GPC5: variants seen among roughly 807,000 people sequenced by gnomAD.
GPC5 encodes the protein glypican-5.
GPC5 carries 47 observed loss-of-function variants against 53.9 expected under a neutral mutation model. That is an observed-to-expected ratio of 0.87 (90% CI 0.69 to 1.11). GPC5 has a LOEUF of 1.11. GPC5 is among the 50% of genes most tolerant of loss of function. GPC5 has a pLI of 0.00. For synonymous variants in GPC5, 286 were observed against 263.3 expected (o/e 1.09, Z -0.84); for missense variants, 748 against 713.1 (o/e 1.05, Z -0.56).
chr13:91,730,624 G>A (rs1322453136), intron 4 of GPC5, among the ~76,000 whole-genome samples: 1 of 152,162 alleles, frequency 6.6e-6, no homozygotes, highest in Non-Finnish European at 1.5e-5. Flanking sequence ...TGAAACTTCA[G>A]ATAGCACTGA....
At chr13:92,752,630 G>C (rs571896374) in intron 7 of GPC5, among the ~76,000 whole-genome samples, 25 of 152,104 alleles carry the variant, frequency 1.6e-4, no homozygotes, top group Admixed American at 1.4e-3. Context: ...CAGTGGGTGC[G>C]CGCACCGTGC....
At chr13:91,725,731 A>T (rs2036562932) in intron 3 of GPC5, among the ~76,000 whole-genome samples, 1 of 152,182 alleles carries the variant, frequency 6.6e-6, no homozygotes, top group South Asian at 2.1e-4. Context: ...CCTAGGAAAC[A>T]TGTTCAATAA....
At chr13:92,232,133 A>G (rs1169625450) in intron 7 of GPC5, among the ~76,000 whole-genome samples, 2 of 152,150 alleles carry the variant, frequency 1.3e-5, no homozygotes, top group Non-Finnish European at 2.9e-5. Flanking sequence ...TACCTTTGAT[A>G]ACTTCCTAGT....
At chr13:91,771,384 A>G (rs182551172) in intron 5 of GPC5, among the ~76,000 whole-genome samples, 4 of 152,308 alleles carry the variant, frequency 2.6e-5, no homozygotes, top group South Asian at 4.1e-4. Context: ...GCGTCTTTGA[A>G]GGGTAACTGG....
intron 7 of GPC5, among the ~76,000 whole-genome samples, chr13:92,725,460 A>G (rs1190866388): frequency 4.0e-5 from 6 of 151,580 alleles, no homozygotes; most frequent in Non-Finnish European, 8.9e-5. Flanking sequence ...AAGAAGGCAT[A>G]TTAGTTTGGC....
intron 1 of GPC5, among the ~76,000 whole-genome samples, chr13:91,433,603 T>A (rs2139034127): frequency 6.6e-6 from 1 of 152,306 alleles, no homozygotes; most frequent in East Asian, 1.9e-4. Context: ...TCTATCAATG[T>A]TGGACATTTG....
intron 7 of GPC5, among the ~76,000 whole-genome samples, chr13:92,692,828 G>A (rs1250312198): frequency 7.3e-6 from 1 of 137,630 alleles, no homozygotes; most frequent in Non-Finnish European, 1.5e-5. Context: ...ACTGTGGTTT[G>A]GATTTGCATT....
chr13:92,520,320 C>T (rs2138967374), intron 7 of GPC5, among the ~76,000 whole-genome samples: 1 of 152,098 alleles, frequency 6.6e-6, no homozygotes, highest in South Asian at 2.1e-4. Flanking sequence ...GGCAGAGACA[C>T]AACAAAAAAA....
intron 5 of GPC5, among the ~76,000 whole-genome samples, chr13:91,906,693 A>C (rs1331554213): frequency 3.3e-5 from 5 of 152,078 alleles, no homozygotes; most frequent in Non-Finnish European, 7.4e-5. Context: ...CATGCATTTA[A>C]GACATCTTTG....
chr13:91,506,397 G>A (rs535721581), intron 2 of GPC5, among the ~76,000 whole-genome samples: 4 of 152,044 alleles, frequency 2.6e-5, no homozygotes, highest in South Asian at 2.1e-4. Context: ...TGTTTCTATA[G>A]ATTTTAGTAA....
chr13:91,519,738 G>A lies in GPC5; in HGVS notation c.325+70816G>A, dbSNP rs139820628. Reference sequence around the variant, plus strand: ...GATTATATACTCATTAAAGATAGGAGCCAGTGAATTCATAATGAGGATTTG... The same window carrying A: ...GATTATATACTCATTAAAGATAGGAACCAGTGAATTCATAATGAGGATTTG... On this transcript the variant is annotated intron_variant, in intron 2 of 7. Coordinates refer to ENST00000377067, the MANE Select transcript of GPC5 (RefSeq NM_004466.6). Among the ~76,000 whole-genome samples, 315 of 152,282 alleles carry A rather than the reference G, an allele frequency of 2.1e-3. 3 individuals are homozygous for A. The highest frequency in any genetic ancestry group is 7.1e-3 in the African/African-American group (296 of 41,564).
Position 92,082,810 on chromosome 13 carries a change from A to G in GPC5, c.1402-62020A>G, listed in dbSNP as rs530434863. Among the ~76,000 whole-genome samples the G allele has an allele frequency of 1.6e-3, 240 of 152,326 alleles. 2 individuals are homozygous for G. Among genetic ancestry groups the G allele is most frequent in the African/African-American group, 5.5e-3 (227 of 41,592 alleles). The stretch of plus-strand genomic sequence containing the variant: ...ACTACCAGGTTATTTTACATATTTT[A>G]TATCATTGAATGTCAGAATTAAACT... On this transcript the variant is annotated intron_variant, in intron 6 of 7. Coordinates refer to ENST00000377067, the MANE Select transcript of GPC5 (RefSeq NM_004466.6).
chr13:92,057,992 C>T (rs185630059), intron 6 of GPC5, among the ~76,000 whole-genome samples: 36 of 152,102 alleles, frequency 2.4e-4, no homozygotes, highest in African/African-American at 8.4e-4. Flanking sequence ...TCTCATAGGT[C>T]CTTTTGAGAG....
At chr13:92,209,139 A>G (rs961381393) in intron 7 of GPC5, among the ~76,000 whole-genome samples, 3 of 152,234 alleles carry the variant, frequency 2.0e-5, no homozygotes, top group African/African-American at 7.2e-5. Context: ...TTATATTACA[A>G]CTTCCAATTA....
chr13:92,262,045 T>A (rs2042771476), intron 7 of GPC5, among the ~76,000 whole-genome samples: 1 of 152,138 alleles, frequency 6.6e-6, no homozygotes, highest in East Asian at 1.9e-4. Flanking sequence ...GAATTACAGC[T>A]TTAATGTAAT....
rs2043627655 is a variant in GPC5 at position 92,368,821 on chromosome 13, ATTAAG to A, written c.1561+223837_1561+223841del. Among the ~76,000 whole-genome samples the A allele has an allele frequency of 1.3e-5, 2 of 152,112 alleles. 1 individual carries two copies. Among genetic ancestry groups the A allele is most frequent in the African/African-American group, 4.8e-5 (2 of 41,428 alleles). On this transcript the variant is annotated intron_variant, in intron 7 of 7. Coordinates refer to ENST00000377067, the MANE Select transcript of GPC5 (RefSeq NM_004466.6). Reference sequence around the variant, plus strand: ...CCTTTGAAGGCCTGGTATATGACTAATTAAGTTAACTGAAGCCGGGCATATGCATT... The same window carrying A: ...CCTTTGAAGGCCTGGTATATGACTAATTAACTGAAGCCGGGCATATGCATT...
chr13:91,692,363 G>A (rs1177547558), intron 2 of GPC5, among the ~76,000 whole-genome samples: 4 of 152,202 alleles, frequency 2.6e-5, no homozygotes, highest in Non-Finnish European at 4.4e-5. Context: ...AACATGTGAG[G>A]AGGTCTAAGG....
rs973869493 is a variant in GPC5 at position 92,496,715 on chromosome 13, C to G, written c.1561+351726C>G. 3.9e-5 allele frequency among the ~76,000 whole-genome samples: 6 copies of G among 152,166 alleles called. No individual in the cohort carries two copies. The East Asian group carries it at 1.2e-3, about 29-fold the overall frequency. ...AAGAAAAGACCCAGGACAGGAAATA[C>G]ACAGCATGCATACAGACAGAGGAGA... On this transcript the variant is annotated intron_variant, in intron 7 of 7. Coordinates refer to ENST00000377067, the MANE Select transcript of GPC5 (RefSeq NM_004466.6).
chr13:92,517,193 G>A (rs1390470206), intron 7 of GPC5, among the ~76,000 whole-genome samples: 3 of 152,138 alleles, frequency 2.0e-5, no homozygotes, highest in Non-Finnish European at 4.4e-5. Flanking sequence ...GCTAGAACTG[G>A]GCAGAGCCCA....
Sources: allele counts gnomAD v4.1 joint callset (sites outside exome capture counted in the v4.1 genomes callset), GRCh38; gene constraint gnomAD v4.1.1; transcripts MANE v1.5; gene names NCBI Gene and HGNC (gene_info 2026-07-23, HGNC 2026-07-21).